IL1RAPL2: variants seen among roughly 807,000 people sequenced by gnomAD.
IL1RAPL2 encodes X-linked interleukin-1 receptor accessory protein-like 2.
A neutral mutation model predicts 44.1 loss-of-function variants in IL1RAPL2; 3 were observed. The observed-to-expected ratio is 0.07, with a 90% CI of 0.03 to 0.18. The LOEUF is 0.18. IL1RAPL2 is among the 10% of genes least tolerant of loss of function. The pLI, the probability that IL1RAPL2 is intolerant of heterozygous loss-of-function variation, is 1.00. For synonymous variants in IL1RAPL2, 181 were observed against 178.8 expected, an observed-to-expected ratio of 1.01 and a Z score of -0.10; for missense variants, 391 against 496.4, an observed-to-expected ratio of 0.79 and a Z score of 2.02.
chrX:105,721,061 T>G (rs756557331), intron 7 of IL1RAPL2, among the ~76,000 whole-genome samples: 6 of 111,213 alleles, frequency 5.4e-5, no homozygotes, highest in Admixed American at 9.6e-5. Context: ...CCAATGTCCA[T>G]CAACAGGTGA....
chrX:105,343,399 T>C (rs1315656236), intron 5 of IL1RAPL2, among the ~76,000 whole-genome samples: 1 of 112,339 alleles, frequency 8.9e-6, no homozygotes, highest in African/African-American at 3.2e-5. Flanking sequence ...TCTTTTTTTC[T>C]ATCCATAAAA....
intron 2 of IL1RAPL2, among the ~76,000 whole-genome samples, chrX:105,026,671 T>C: frequency 9.0e-6 from 1 of 110,499 alleles, no homozygotes; most frequent in South Asian, 3.8e-4. Flanking sequence ...TGTAAAACAC[T>C]GATGAAAGAA....
chrX:104,950,676 A>C (rs1315514112), intron 2 of IL1RAPL2, among the ~76,000 whole-genome samples: 1 of 106,903 alleles, frequency 9.4e-6, no homozygotes, highest in Non-Finnish European at 1.9e-5. Context: ...TCTCCTGGTG[A>C]GCTGTTTTTT....
chrX:104,731,256 C>T (rs1234623856), intron 2 of IL1RAPL2, among the ~76,000 whole-genome samples: 3 of 109,450 alleles, frequency 2.7e-5, no homozygotes, highest in Non-Finnish European at 3.8e-5. Flanking sequence ...GCTTTTGTTG[C>T]CATTGCTTTT....
chrX:105,429,939 C>T (rs2035836727), intron 5 of IL1RAPL2, among the ~76,000 whole-genome samples: 1 of 111,251 alleles, frequency 9.0e-6, no homozygotes, highest in African/African-American at 3.3e-5. Flanking sequence ...TAGAGAGGAG[C>T]ATCTGTTGGT....
intron 2 of IL1RAPL2, among the ~76,000 whole-genome samples, chrX:104,730,405 A>G (rs1931885691): frequency 1.5e-5 from 1 of 64,636 alleles, no homozygotes; most frequent in East Asian, 5.8e-4. Flanking sequence ...CCAGAGTGTG[A>G]TGTTCCCCTT....
intron 4 of IL1RAPL2, among the ~76,000 whole-genome samples, chrX:105,259,841 C>T (rs761516450): frequency 9.7e-4 from 108 of 111,508 alleles, no homozygotes; most frequent in African/African-American, 3.3e-3. Flanking sequence ...AGGACCTGCC[C>T]GGTAAGGAGA....
intron 5 of IL1RAPL2, among the ~76,000 whole-genome samples, chrX:105,379,737 T>C (rs183880801): frequency 8.1e-5 from 9 of 111,756 alleles, no homozygotes; most frequent in African/African-American, 1.9e-4. Flanking sequence ...CTCCATGAGA[T>C]GGCTGTAAGA....
intron 6 of IL1RAPL2, among the ~76,000 whole-genome samples, chrX:105,574,385 A>G (rs771212542): frequency 9.0e-6 from 1 of 111,336 alleles, no homozygotes; most frequent in South Asian, 3.8e-4. Context: ...AAGATATAGG[A>G]GGAGACCCAC....
chrX:104,881,583 C>T (rs1405126469), intron 2 of IL1RAPL2, among the ~76,000 whole-genome samples: 1 of 112,140 alleles, frequency 8.9e-6, no homozygotes, highest in African/African-American at 3.2e-5. Context: ...AGGTGCCAAT[C>T]AGGCAATTTA....
intron 5 of IL1RAPL2, among the ~76,000 whole-genome samples, chrX:105,423,442 TTTTCC>T (rs2035786698): frequency 9.0e-6 from 1 of 111,638 alleles, no homozygotes; most frequent in Non-Finnish European, 1.9e-5. Context: ...AGAGATTTCT[TTTTCC>T]TTTCTCTTTT....
chrX:104,842,954 T>G (rs763290620), intron 2 of IL1RAPL2, among the ~76,000 whole-genome samples: 49 of 112,817 alleles, frequency 4.3e-4, no homozygotes, highest in Non-Finnish European at 7.5e-4. Context: ...GATCAGCTGC[T>G]GTCTTCAGTG....
At chrX:104,982,576 A>G (rs5962454) in intron 2 of IL1RAPL2, among the ~76,000 whole-genome samples, 47,018 of 109,570 alleles carry the variant, frequency 0.43, 7,389 homozygotes, top group Non-Finnish European at 0.45. Flanking sequence ...AATGAATAAA[A>G]GTTTATAATA....
At chrX:104,944,957 A>G (rs1231578646) in intron 2 of IL1RAPL2, among the ~76,000 whole-genome samples, 1 of 111,797 alleles carries the variant, frequency 8.9e-6, no homozygotes, top group Non-Finnish European at 1.9e-5. Context: ...TAAAATGGTG[A>G]TAAGACCTAC....
chrX:104,598,519 G>A (rs1298569350), intron 1 of IL1RAPL2, among the ~76,000 whole-genome samples: 1 of 111,784 alleles, frequency 8.9e-6, no homozygotes, highest in Non-Finnish European at 1.9e-5. Context: ...ACAAAATTAT[G>A]AGGGAAGAGA....
At chrX:104,709,967 T>A (rs1240896023) in intron 2 of IL1RAPL2, among the ~76,000 whole-genome samples, 2 of 111,010 alleles carry the variant, frequency 1.8e-5, no homozygotes, top group Non-Finnish European at 3.8e-5. Flanking sequence ...TTTGTATAGC[T>A]ATAATAATAA....
At chrX:105,280,588 A>G (rs1021513132) in intron 5 of IL1RAPL2, among the ~76,000 whole-genome samples, 1 of 111,768 alleles carries the variant, frequency 8.9e-6, no homozygotes, top group African/African-American at 3.3e-5. Context: ...TACAAGAAAA[A>G]AAAAACGCAT....
intron 6 of IL1RAPL2, among the ~76,000 whole-genome samples, chrX:105,627,627 C>T (rs767913480): frequency 1.8e-5 from 2 of 111,999 alleles, no homozygotes; most frequent in East Asian, 5.7e-4. Flanking sequence ...ACATATGTTC[C>T]TTAAGAATTT....
chrX:104,611,863 A>C (rs1002117072), intron 1 of IL1RAPL2, among the ~76,000 whole-genome samples: 2 of 87,213 alleles, frequency 2.3e-5, no homozygotes, highest in African/African-American at 9.5e-5. Flanking sequence ...AAAAAAAAAG[A>C]ATTTCAAGCC....
Sources: allele counts gnomAD v4.1 joint callset (sites outside exome capture counted in the v4.1 genomes callset), GRCh38; gene constraint gnomAD v4.1.1; transcripts MANE v1.5; gene names NCBI Gene and HGNC (gene_info 2026-07-23, HGNC 2026-07-21).